NOC3L: variants seen among roughly 807,000 people sequenced by gnomAD.
NOC3L encodes nucleolar complex protein 3 homolog.
In NOC3L, 85 loss-of-function variants were observed where a neutral mutation model predicts 102.5. The observed-to-expected ratio is 0.83, with a 90% CI of 0.70 to 0.99. NOC3L has a LOEUF of 0.99. Among genes scored for constraint, NOC3L ranks in the 50% least tolerant of loss-of-function variants. NOC3L has a pLI of 0.00. For missense variants in NOC3L, 878 were observed against 914.9 expected (o/e 0.96, Z 0.52); for synonymous variants, 303 against 309.4 (o/e 0.98, Z 0.22).
intron 11 of NOC3L, 105 bp from the exon 12 acceptor site, chr10:94,345,038 T>C (rs993111653): frequency 1.6e-5 from 11 of 685,904 alleles, no homozygotes; most frequent in Admixed American, 3.1e-5. Flanking sequence ...TAATACCACA[T>C]GTTGTCTATG....
Position 94,346,174 on chromosome 10 carries a change from C to T in NOC3L, c.1389+251G>A, listed in dbSNP as rs190325632. On this transcript the variant is annotated intron_variant, in intron 11 of 20. Coordinates refer to ENST00000371361, the MANE Select transcript of NOC3L (RefSeq NM_022451.11). Reference sequence around the variant, plus strand: ...CATAACTCTAAATTGATCTAAAAAGCCAAAGGATAAAAGCCAGCATGGCAA... The same window carrying T: ...CATAACTCTAAATTGATCTAAAAAGTCAAAGGATAAAAGCCAGCATGGCAA... Among the ~76,000 whole-genome samples, 22 of 152,216 alleles carry T rather than the reference C, an allele frequency of 1.4e-4. 1 individual carries two copies. The highest frequency in any genetic ancestry group is 1.4e-3 in the Admixed American group (22 of 15,282).
Position 94,350,305 on chromosome 10 carries a change from T to TG in NOC3L, c.953-18dup, listed in dbSNP as rs1327028871. The TG allele has an allele frequency of 6.2e-7, 1 of 1,608,764 alleles. No individual in the cohort carries two copies. ...GCTTCCAATCTAATCAAAAGATAAC[T>TG]GTAGTTACTTTACTCATTGGTCAAA... On this transcript the variant is annotated splice_polypyrimidine_tract_variant and intron_variant, in intron 8 of 20. Transcript: ENST00000371361.
rs1342909156 is a variant in NOC3L at position 94,352,766 on chromosome 10, G to A, written c.858+130C>T. The stretch of plus-strand genomic sequence containing the variant: ...GAACCCGGAAGGCAGAGGTTGCAGT[G>A]AGCCAAGATCACGCCACTGCACTCT... On this transcript the variant is annotated intron_variant, in intron 7 of 20. Transcript: ENST00000371361. 24 of 745,702 alleles carry A rather than the reference G, an allele frequency of 3.2e-5. No individual in the cohort carries two copies. The South Asian group carries it at 3.6e-4, about 11-fold the overall frequency. The allele number at this position is 745,702 out of a possible 1,614,324, so 46.2% of individuals were successfully genotyped here. A position where few individuals can be genotyped will look rare whatever the true frequency, so the allele number is the denominator to read the frequency against.
At chr10:94,349,044 G>C (rs1306513025) in intron 10 of NOC3L, among the ~76,000 whole-genome samples, 1 of 151,922 alleles carries the variant, frequency 6.6e-6, no homozygotes, top group African/African-American at 2.4e-5. Context: ...AAGTATATAT[G>C]ACTATATCTG....
Position 94,334,299 on chromosome 10 carries a change from A to T in NOC3L, c.2281T>A (p.Phe761Ile). The T allele has an allele frequency of 1.9e-6, 3 of 1,589,110 alleles. No homozygotes were observed. Among genetic ancestry groups the T allele is most frequent in the Non-Finnish European group, 2.6e-6 (3 of 1,160,168 alleles). The change falls in exon 21 of 21, where the codon TTT (phenylalanine) becomes ATT (isoleucine). Residue 761 changes from phenylalanine to isoleucine, a missense_variant. Physicochemically the swap from Phe to Ile is conservative, Grantham distance 21. Transcript: ENST00000371361. ...ESSNPKIKGK[F>I]LQGDSFLNED... ...TTCAAAAATGAATCCCCTTGTAAAA[A>T]TTTACCCTAGGAAAATATTTAAAGT...
intron 1 of NOC3L, among the ~76,000 whole-genome samples, chr10:94,362,455 C>G (rs1003361232): frequency 6.6e-6 from 1 of 152,148 alleles, no homozygotes. Flanking sequence ...TCTGGGAGAA[C>G]CAGGACAAAT....
intron 2 of NOC3L, 45 bp downstream of exon 2, chr10:94,361,620 G>T: frequency 6.4e-7 from 1 of 1,564,746 alleles, no homozygotes; most frequent in Non-Finnish European, 8.8e-7. Flanking sequence ...GAACACTTCA[G>T]AATAAATCAA....
intron 20 of NOC3L, 77 bp from the exon 21 acceptor site, chr10:94,334,382 A>G (rs1302335758): frequency 2.2e-6 from 2 of 907,296 alleles, no homozygotes; most frequent in African/African-American, 3.3e-5. Flanking sequence ...CAAGTTGAAA[A>G]TGGCAACAGC....
At chr10:94,352,442 GAA>G (rs751036989) in intron 7 of NOC3L, 39 bp from the exon 8 acceptor site, 9 of 1,412,890 alleles carry the variant, frequency 6.4e-6, no homozygotes, top group Non-Finnish European at 8.9e-6. Context: ...TTTAAAATCA[GAA>G]CATTAAAAGC....
chr10:94,316,782 A>G, the NOC3L span: 1 of 1,515,468 alleles, frequency 6.6e-7, no homozygotes, highest in Non-Finnish European at 9.2e-7. Flanking sequence ...TGCAGCCTAC[A>G]CAGTAACGAC....
At chr10:94,345,576 T>C (rs558444184) in intron 11 of NOC3L, among the ~76,000 whole-genome samples, 5 of 152,294 alleles carry the variant, frequency 3.3e-5, no homozygotes, top group South Asian at 2.1e-4. Context: ...CATGTTCTTA[T>C]TGGTCTTTGT....
the NOC3L span, among the ~76,000 whole-genome samples, chr10:94,322,523 G>T: frequency 6.6e-6 from 1 of 152,070 alleles, no homozygotes; most frequent in Non-Finnish European, 1.5e-5. Flanking sequence ...GGGGGTTCAC[G>T]CCTGTAATCC....
intron 4 of NOC3L, among the ~76,000 whole-genome samples, 155 bp from the exon 5 acceptor site, chr10:94,356,746 T>G (rs921000108): frequency 6.6e-6 from 1 of 152,168 alleles, no homozygotes; most frequent in African/African-American, 2.4e-5. Context: ...AAGGGAGGAT[T>G]CTGGAAGCTA....
chr10:94,346,548 T>C lies in NOC3L; in HGVS notation c.1266A>G (p.Lys422=), dbSNP rs764732288. 2.1e-5 allele frequency: 29 copies of C among 1,397,124 alleles called. No individual in the cohort carries two copies. Among genetic ancestry groups the C allele is most frequent in the African/African-American group, 3.0e-5 (2 of 66,702 alleles). The allele number at this position is 1,397,124 out of a possible 1,614,324, so 86.5% of individuals were successfully genotyped here. ...RNYEVRPEML[K]TFLCLRIKEV... ...CCTTGATTCTTAGGCATAAAAATGT[T>C]TTTAACATCTAATATTGGAAAAAAA... is the stretch of plus-strand genomic sequence containing the variant. The change falls in exon 11 of 21, where the codon AAA becomes AAG. Residue 422 remains lysine (K), a synonymous_variant. Transcript: ENST00000371361.
At chr10:94,318,445 T>TCAAA in the NOC3L span, among the ~76,000 whole-genome samples, 28 of 152,336 alleles carry the variant, frequency 1.8e-4, no homozygotes, top group East Asian at 5.0e-3. Flanking sequence ...TTGAAAGCCC[T>TCAAA]CAAACACTAT....
intron 13 of NOC3L, among the ~76,000 whole-genome samples, chr10:94,343,367 A>C (rs1488744305): frequency 6.6e-6 from 1 of 152,164 alleles, no homozygotes; most frequent in Non-Finnish European, 1.5e-5. Flanking sequence ...ATATGGTGAG[A>C]GCTTGTCTCT....
At position 94,344,510 on chromosome 10, in the gene NOC3L, TG is replaced by T. The variant is rs1564912047; in HGVS notation, c.1475del (p.Thr492LysfsTer4). 1 of 1,610,468 alleles carries T rather than the reference TG, an allele frequency of 6.2e-7. No individual in the cohort carries two copies. On this transcript the variant is annotated frameshift_variant, in exon 13 of 21. Coordinates refer to ENST00000371361, the MANE Select transcript of NOC3L (RefSeq NM_022451.11). LOFTEE classifies it high-confidence loss of function. ...ESTEKKLKLHTETLNIVFVTY... is the reference protein window; with the variant it reads ...ESTEKKLKLHXETLNIVFVTY... ...TTACAAACACAATATTCAGAGTCTC[TG>T]TGTGCTGGCAGAGGAGACAGACAAA...
chr10:94,353,445 G>T (rs1337241497), intron 6 of NOC3L, among the ~76,000 whole-genome samples: 1 of 152,152 alleles, frequency 6.6e-6, no homozygotes, highest in Non-Finnish European at 1.5e-5. Context: ...AAAGATAGGG[G>T]AGGTTCTAAG....
chr10:94,331,285 G>A (rs1302169461), downstream of NOC3L: 1 of 152,014 alleles, frequency 6.6e-6, no homozygotes, highest in African/African-American at 2.4e-5. Context: ...AATGAAAGTG[G>A]GCCCTCTATG....
Sources: allele counts gnomAD v4.1 joint callset (sites outside exome capture counted in the v4.1 genomes callset), GRCh38; gene constraint gnomAD v4.1.1; transcripts MANE v1.5; gene names NCBI Gene and HGNC (gene_info 2026-07-23, HGNC 2026-07-21).